PTPRT: variants seen among roughly 807,000 people sequenced by gnomAD.
The protein encoded by PTPRT is receptor-type tyrosine-protein phosphatase T.
PTPRT carries 56 observed loss-of-function variants against 176.8 expected under a neutral mutation model. The ratio of observed to expected loss-of-function variants is 0.32; its 90% CI spans 0.26 to 0.40. PTPRT has a LOEUF of 0.40. PTPRT is among the 10% of genes least tolerant of loss of function. PTPRT has a pLI of 1.00. For missense variants in PTPRT, 1,540 were observed against 1,908.2 expected (o/e 0.81, Z 3.60); for synonymous variants, 783 against 739.0 (o/e 1.06, Z -0.96).
intron 1 of PTPRT, among the ~76,000 whole-genome samples, chr20:42,892,509 G>A (rs894051417): frequency 4.6e-4 from 70 of 151,936 alleles, no homozygotes; most frequent in African/African-American, 1.6e-3. Context: ...AAAGAAAACT[G>A]GGCTAAACCT....
chr20:42,542,984 A>G (rs1021072962), intron 7 of PTPRT, among the ~76,000 whole-genome samples: 2 of 152,352 alleles, frequency 1.3e-5, no homozygotes, highest in South Asian at 4.1e-4. Flanking sequence ...TTGCTGAAAA[A>G]TGCTAAGGAT....
chr20:42,072,550 C>G (rs1277058934), downstream of PTPRT, among the ~76,000 whole-genome samples: 23 of 152,226 alleles, frequency 1.5e-4, no homozygotes, highest in Non-Finnish European at 4.4e-5. Flanking sequence ...AACCCTTTTA[C>G]TAGCTCAATG....
intron 13 of PTPRT, among the ~76,000 whole-genome samples, chr20:42,255,387 T>C (rs2056620568): frequency 6.6e-6 from 1 of 152,174 alleles, no homozygotes; most frequent in Non-Finnish European, 1.5e-5. Context: ...ACTGTTCACA[T>C]ATGGGGCACA....
intron 12 of PTPRT, among the ~76,000 whole-genome samples, chr20:42,302,309 G>A (rs1406545780): frequency 1.3e-5 from 2 of 151,998 alleles, no homozygotes; most frequent in Non-Finnish European, 2.9e-5. Context: ...GGCATACAAA[G>A]CCCAGCATTA....
At chr20:42,367,267 T>C (rs983824379) in intron 9 of PTPRT, among the ~76,000 whole-genome samples, 2 of 152,214 alleles carry the variant, frequency 1.3e-5, no homozygotes, top group Admixed American at 1.3e-4. Flanking sequence ...TCCATGTGTA[T>C]AAGAGAGCTT....
In PTPRT at chr20:43,111,322, G is replaced by A. The variant is rs775619742; in HGVS notation, c.88+78324C>T. Among the ~76,000 whole-genome samples, 16 of 152,012 alleles carry A rather than the reference G, an allele frequency of 1.1e-4. No homozygotes were observed. The Middle Eastern group carries it at 0.014, about 129-fold the overall frequency. On this transcript the variant is annotated intron_variant, in intron 1 of 30. Coordinates refer to ENST00000373187, the MANE Select transcript of PTPRT (RefSeq NM_007050.6). Reference sequence around the variant, plus strand: ...TGGGAGGCCAAGGAGGGCGGATCACGAGGTCAGGAGTTTGAGACCAGCCTG... The same window carrying A: ...TGGGAGGCCAAGGAGGGCGGATCACAAGGTCAGGAGTTTGAGACCAGCCTG...
the PTPRT span, among the ~76,000 whole-genome samples, chr20:42,045,666 C>G: frequency 7.5e-6 from 1 of 133,516 alleles, no homozygotes; most frequent in Non-Finnish European, 1.7e-5. Flanking sequence ...TTTTTTTTTT[C>G]TTTTAAACAG....
At chr20:42,653,245 G>A (rs1156435970) in intron 7 of PTPRT, among the ~76,000 whole-genome samples, 1 of 152,130 alleles carries the variant, frequency 6.6e-6, no homozygotes, top group Non-Finnish European at 1.5e-5. Context: ...ATGTGAAGAA[G>A]GACATGTTTG....
At chr20:42,201,105 A>G (rs1026045617) in intron 15 of PTPRT, among the ~76,000 whole-genome samples, 1 of 152,188 alleles carries the variant, frequency 6.6e-6, no homozygotes, top group Non-Finnish European at 1.5e-5. Context: ...ACTTGAGCCC[A>G]GGAATTGAGA....
chr20:42,868,094 T>C (rs1388192305), intron 2 of PTPRT, among the ~76,000 whole-genome samples: 1 of 152,110 alleles, frequency 6.6e-6, no homozygotes, highest in African/African-American at 2.4e-5. Flanking sequence ...GAAGTGGCTT[T>C]AGAAATGGGT....
chr20:42,543,994 C>T (rs2072628912), intron 7 of PTPRT, among the ~76,000 whole-genome samples: 2 of 152,090 alleles, frequency 1.3e-5, no homozygotes, highest in Admixed American at 6.6e-5. Flanking sequence ...GTTCCATTTA[C>T]AGAGCACAGG....
At chr20:42,915,174 G>A (rs1006884172) in intron 1 of PTPRT, among the ~76,000 whole-genome samples, 2 of 152,202 alleles carry the variant, frequency 1.3e-5, no homozygotes, top group African/African-American at 2.4e-5. Context: ...CCAGATTACA[G>A]CTTTTGCTAT....
chr20:42,711,692 G>T (rs560394054), intron 6 of PTPRT, among the ~76,000 whole-genome samples: 1 of 152,108 alleles, frequency 6.6e-6, no homozygotes, highest in African/African-American at 2.4e-5. Flanking sequence ...TGGATCCCAT[G>T]TATAGAGTAG....
Position 42,915,808 on chromosome 20 carries a change from A to G in PTPRT, c.89-29876T>C, listed in dbSNP as rs544784122. 9.3e-5 allele frequency among the ~76,000 whole-genome samples: 14 copies of G among 151,302 alleles called. No individual in the cohort carries two copies. In the East Asian group the frequency reaches 2.7e-3, roughly 30 times the overall value. On this transcript the variant is annotated intron_variant, in intron 1 of 30. Coordinates refer to ENST00000373187, the MANE Select transcript of PTPRT (RefSeq NM_007050.6). ...GATACAGGGTTTTGCCATGTTGCCCAGGCTGGTCTTGAGCTCCTGGGCTCA... is the reference window on the plus strand; with the variant it reads ...GATACAGGGTTTTGCCATGTTGCCCGGGCTGGTCTTGAGCTCCTGGGCTCA...
intron 7 of PTPRT, among the ~76,000 whole-genome samples, chr20:42,580,297 G>A (rs1484064207): frequency 6.6e-6 from 1 of 152,060 alleles, no homozygotes; most frequent in East Asian, 1.9e-4. Context: ...TGCTGTTTTG[G>A]TTACTGTAGC....
intron 9 of PTPRT, among the ~76,000 whole-genome samples, chr20:42,393,362 T>G (rs767024761): frequency 6.8e-4 from 103 of 152,156 alleles, no homozygotes; most frequent in Non-Finnish European, 1.0e-3. Context: ...ATAACACAAA[T>G]GTTTGATTAT....
In PTPRT at chr20:42,785,278, G is replaced by A. The variant is rs542455204; in HGVS notation, c.487-4979C>T. Among the ~76,000 whole-genome samples, 20 of 152,300 alleles carry A rather than the reference G, an allele frequency of 1.3e-4. 1 individual carries two copies. In the South Asian group the frequency reaches 3.9e-3, roughly 30 times the overall value. On this transcript the variant is annotated intron_variant, in intron 3 of 30. Transcript: ENST00000373187. ...TGCCAGAAAGCTCACTAATGAGAAA[G>A]AGGAAATTTCAGTGTTTATTACAGA...
chr20:42,840,710 G>A (rs1054029278), intron 2 of PTPRT, among the ~76,000 whole-genome samples: 1 of 152,128 alleles, frequency 6.6e-6, no homozygotes, highest in African/African-American at 2.4e-5. Flanking sequence ...ACCATGTCCA[G>A]CCATCACATC....
intron 15 of PTPRT, among the ~76,000 whole-genome samples, chr20:42,201,947 T>TTGTGTGTGTGTGTG (rs1189357177): frequency 1.4e-4 from 8 of 58,000 alleles, no homozygotes; most frequent in African/African-American, 5.6e-4. Flanking sequence ...AAGAGAAAAG[T>TTGTGTGTGTGTGTG]TGCGTGTGTG....
Sources: gnomAD v4.1 joint callset for allele counts (sites outside exome capture counted in the v4.1 genomes callset) on GRCh38, gnomAD v4.1.1 for gene constraint, MANE v1.5 for transcripts, NCBI Gene and HGNC (gene_info 2026-07-23, HGNC 2026-07-21) for gene names.